The following LOC128125818 variants were observed in gnomAD, a reference collection of about 807,000 sequenced individuals.
At chr4:6,065,066 G>A in the LOC128125818 span, 2 of 1,607,012 alleles carry the variant, frequency 1.2e-6, no homozygotes, top group Non-Finnish European at 8.5e-7. The surrounding 1 kb of genome is among the most constrained non-coding windows in gnomAD (Gnocchi z 5.1). Context: ...GAGTCTACCA[G>A]TCCCTGGTCG....
At chr4:6,065,508 C>G in the LOC128125818 span, among the ~76,000 whole-genome samples, 2 of 152,212 alleles carry the variant, frequency 1.3e-5, no homozygotes, top group Admixed American at 1.3e-4. This position sits in a 1 kb window ranked among gnomAD's most constrained non-coding sequence, Gnocchi z 5.1. Context: ...GAGGGGGCAA[C>G]AGCTTGAAGG....
chr4:6,067,393 G>C, the LOC128125818 span, among the ~76,000 whole-genome samples: 1 of 152,276 alleles, frequency 6.6e-6, no homozygotes, highest in African/African-American at 2.4e-5. The surrounding 1 kb of genome is among the most constrained non-coding windows in gnomAD (Gnocchi z 4.6). Context: ...AAGACTATGG[G>C]CACCATCAAC....
At chr4:6,065,397 A>G in the LOC128125818 span, among the ~76,000 whole-genome samples, 1 of 152,224 alleles carries the variant, frequency 6.6e-6, no homozygotes, top group Non-Finnish European at 1.5e-5. The surrounding 1 kb of genome is among the most constrained non-coding windows in gnomAD (Gnocchi z 5.1). Context: ...GCACTCCGTC[A>G]CGCTCCATGA....
chr4:6,067,220 C>T, the LOC128125818 span, among the ~76,000 whole-genome samples: 3 of 152,186 alleles, frequency 2.0e-5, no homozygotes, highest in Non-Finnish European at 2.9e-5. The surrounding 1 kb of genome is among the most constrained non-coding windows in gnomAD (Gnocchi z 4.6). Context: ...CTTTTGTTCT[C>T]GACTGTATCC....
the LOC128125818 span, chr4:6,065,085 C>T: frequency 1.0e-5 from 16 of 1,566,602 alleles, no homozygotes; most frequent in East Asian, 2.2e-5. The surrounding 1 kb of genome is among the most constrained non-coding windows in gnomAD (Gnocchi z 5.1). Context: ...CGTGGGCATG[C>T]CAGTGCAGGG....
At chr4:6,068,316 C>A in the LOC128125818 span, among the ~76,000 whole-genome samples, 1 of 152,192 alleles carries the variant, frequency 6.6e-6, no homozygotes, top group African/African-American at 2.4e-5. Context: ...GAGCCCCCGA[C>A]AGTATCATAT....
chr4:6,065,009 CTG>C, the LOC128125818 span: 1 of 1,614,200 alleles, frequency 6.2e-7, no homozygotes, highest in Non-Finnish European at 8.5e-7. This position sits in a 1 kb window ranked among gnomAD's most constrained non-coding sequence, Gnocchi z 5.1. Context: ...CAACATGCTT[CTG>C]TAAAACGCAA....
the LOC128125818 span, among the ~76,000 whole-genome samples, chr4:6,066,952 T>G: frequency 9.5e-4 from 145 of 152,236 alleles, 1 homozygote; most frequent in East Asian, 0.027. Context: ...CGAGACGCTC[T>G]TCCCCAGAAT....
At chr4:6,067,899 C>A in the LOC128125818 span, among the ~76,000 whole-genome samples, 1 of 152,184 alleles carries the variant, frequency 6.6e-6, no homozygotes, top group Non-Finnish European at 1.5e-5. This position sits in a 1 kb window ranked among gnomAD's most constrained non-coding sequence, Gnocchi z 4.6. Context: ...AGCCACTGAG[C>A]TGACCTTATT....
the LOC128125818 span, chr4:6,070,161 A>AT: frequency 2.5e-6 from 1 of 398,636 alleles, no homozygotes; most frequent in South Asian, 1.3e-4. Flanking sequence ...GACATATTCC[A>AT]TGGTGGCGTG....
the LOC128125818 span, chr4:6,065,030 A>G: frequency 1.2e-6 from 2 of 1,613,824 alleles, no homozygotes; most frequent in Non-Finnish European, 1.7e-6. The surrounding 1 kb of genome is among the most constrained non-coding windows in gnomAD (Gnocchi z 5.1). Context: ...AATTTGTATG[A>G]TGTTAGCAAC....
chr4:6,065,039 A>G, the LOC128125818 span: 2 of 1,613,578 alleles, frequency 1.2e-6, no homozygotes, highest in Non-Finnish European at 1.7e-6. The surrounding 1 kb of genome is among the most constrained non-coding windows in gnomAD (Gnocchi z 5.1). Flanking sequence ...GATGTTAGCA[A>G]CGACTGAGGA....
chr4:6,069,017 TTG>T, the LOC128125818 span, among the ~76,000 whole-genome samples: 2 of 152,200 alleles, frequency 1.3e-5, no homozygotes, highest in East Asian at 1.9e-4. The surrounding 1 kb of genome is among the most constrained non-coding windows in gnomAD (Gnocchi z 4.5). Flanking sequence ...CTCAATATAT[TTG>T]TGTCTTTATT....
chr4:6,067,380 G>A, the LOC128125818 span, among the ~76,000 whole-genome samples: 564 of 152,262 alleles, frequency 3.7e-3, 2 homozygotes, highest in African/African-American at 0.013. The surrounding 1 kb of genome is among the most constrained non-coding windows in gnomAD (Gnocchi z 4.6). Context: ...TGGCAGGTAC[G>A]TGAAGACTAT....
the LOC128125818 span, among the ~76,000 whole-genome samples, chr4:6,068,698 C>T: frequency 2.6e-5 from 4 of 151,968 alleles, no homozygotes; most frequent in Non-Finnish European, 4.4e-5. Context: ...GCTGGGATTA[C>T]AGGTGCGTGC....
At chr4:6,065,591 C>T in the LOC128125818 span, among the ~76,000 whole-genome samples, 1 of 152,110 alleles carries the variant, frequency 6.6e-6, no homozygotes, top group Non-Finnish European at 1.5e-5. The surrounding 1 kb of genome is among the most constrained non-coding windows in gnomAD (Gnocchi z 5.1). Flanking sequence ...CTGGCCAGAC[C>T]CACACTTAGA....
At chr4:6,068,964 T>C in the LOC128125818 span, among the ~76,000 whole-genome samples, 1 of 152,218 alleles carries the variant, frequency 6.6e-6, no homozygotes, top group African/African-American at 2.4e-5. Flanking sequence ...AAAAGTTGTG[T>C]TGAGTGATTA....
the LOC128125818 span, among the ~76,000 whole-genome samples, chr4:6,068,468 C>T: frequency 6.0e-3 from 908 of 152,138 alleles, 7 homozygotes; most frequent in African/African-American, 0.019. Flanking sequence ...CAGCCAGGCA[C>T]GGCACACACA....
the LOC128125818 span, among the ~76,000 whole-genome samples, chr4:6,069,402 C>A: frequency 6.6e-6 from 1 of 152,338 alleles, no homozygotes; most frequent in East Asian, 1.9e-4. This position sits in a 1 kb window ranked among gnomAD's most constrained non-coding sequence, Gnocchi z 4.5. Flanking sequence ...TTCCTTGCAA[C>A]CAAAGCCTCT....
Sources: allele counts gnomAD v4.1 joint callset (sites outside exome capture counted in the v4.1 genomes callset), GRCh38; gene constraint gnomAD v4.1.1; non-coding constraint Gnocchi (gnomAD v3.1); transcripts MANE v1.5.